The following CALD1 variants were observed in gnomAD, a reference collection of about 807,000 sequenced individuals.
The protein encoded by CALD1 is caldesmon 1.
CALD1 carries 33 observed loss-of-function variants against 99.9 expected under a neutral mutation model. The observed-to-expected ratio is 0.33, with a 90% CI of 0.25 to 0.44. The LOEUF (loss-of-function observed/expected upper bound fraction) is 0.44. CALD1 is among the 20% of genes least tolerant of loss of function. The pLI, the probability that CALD1 is intolerant of heterozygous loss-of-function variation, is 1.00. For missense variants in CALD1, 861 were observed against 962.1 expected (o/e 0.89, Z 1.39); for synonymous variants, 310 against 325.0 (o/e 0.95, Z 0.50).
At chr7:134,849,823 G>A (rs1002873154) in intron 2 of CALD1, among the ~76,000 whole-genome samples, 3 of 152,124 alleles carry the variant, frequency 2.0e-5, no homozygotes, top group Admixed American at 6.5e-5. Flanking sequence ...CATGGGGAGA[G>A]GTCCCTGCCT....
At chr7:134,965,094 C>A (rs1780778518) in intron 13 of CALD1, 1 of 427,878 alleles carries the variant, frequency 2.3e-6, no homozygotes. Context: ...CCAGCTTGGG[C>A]TACAGAGTGA....
At chr7:134,887,776 G>A (rs10242344) in intron 3 of CALD1, among the ~76,000 whole-genome samples, 2 of 150,012 alleles carry the variant, frequency 1.3e-5, no homozygotes, top group Non-Finnish European at 2.9e-5. Flanking sequence ...GCGTGTGTAT[G>A]TGTGTGCATG....
intron 1 of CALD1, among the ~76,000 whole-genome samples, chr7:134,831,654 A>G (rs1005216178): frequency 6.6e-6 from 1 of 152,194 alleles, no homozygotes; most frequent in Non-Finnish European, 1.5e-5. Flanking sequence ...AATAAAATGC[A>G]TATTTGTATA....
At chr7:134,828,650 A>G (rs1799101306) in intron 1 of CALD1, among the ~76,000 whole-genome samples, 1 of 152,174 alleles carries the variant, frequency 6.6e-6, no homozygotes. Flanking sequence ...GGGGGATGAT[A>G]TACTACCTAT....
At chr7:134,959,671 A>G (rs760176967) in intron 11 of CALD1, among the ~76,000 whole-genome samples, 34 of 152,058 alleles carry the variant, frequency 2.2e-4, no homozygotes, top group South Asian at 2.1e-4. Context: ...CCCTGTCTCA[A>G]AAAAAAACAA....
At chr7:134,966,765 G>T (rs1808710252) in intron 14 of CALD1, among the ~76,000 whole-genome samples, 1 of 151,820 alleles carries the variant, frequency 6.6e-6, no homozygotes, top group African/African-American at 2.4e-5. Context: ...GGTGGCAGGG[G>T]AGAAAAGAAC....
At chr7:134,903,997 C>T (rs10230964) in intron 3 of CALD1, among the ~76,000 whole-genome samples, 5,435 of 151,882 alleles carry the variant, frequency 0.036, 326 homozygotes, top group African/African-American at 0.12. Flanking sequence ...CTGAGGCAGG[C>T]GGATCACCTG....
rs1196799821 is a variant in CALD1, at chr7:134,890,650, GAC to G, written c.71+22848_71+22849del. Among the ~76,000 whole-genome samples, 16 of 152,308 alleles carry G rather than the reference GAC, an allele frequency of 1.1e-4. 1 individual carries two copies. In the East Asian group the frequency reaches 3.1e-3, roughly 29 times the overall value. On this transcript the variant is annotated intron_variant, in intron 3 of 14. Transcript: ENST00000361675. Reference sequence around the variant, plus strand: ...AAGCTGAGACGGAGTGTCATCTCCAGACAGAATCAACACCACCCCCTCCTCAG... The same window carrying G: ...AAGCTGAGACGGAGTGTCATCTCCAGAGAATCAACACCACCCCCTCCTCAG...
intron 6 of CALD1, among the ~76,000 whole-genome samples, 169 bp from the exon 7 acceptor site, chr7:134,940,923 A>G (rs1400332747): frequency 6.6e-6 from 1 of 152,240 alleles, no homozygotes; most frequent in Non-Finnish European, 1.5e-5. Flanking sequence ...CTAAAGGACC[A>G]TAGCTCATTC....
chr7:134,805,911 C>T (rs1375786472), intron 1 of CALD1, among the ~76,000 whole-genome samples: 1 of 152,158 alleles, frequency 6.6e-6, no homozygotes, highest in Non-Finnish European at 1.5e-5. Flanking sequence ...TAGACACGTG[C>T]CACCACACCC....
At chr7:134,960,321 A>G (rs1358309636) in intron 12 of CALD1, 5 of 669,102 alleles carry the variant, frequency 7.5e-6, no homozygotes, top group Non-Finnish European at 2.5e-6. Flanking sequence ...ACTCCAAATA[A>G]AGTGCCTGGG....
At chr7:134,766,486 A>G (rs904169837) in intron 1 of CALD1, among the ~76,000 whole-genome samples, 3 of 152,152 alleles carry the variant, frequency 2.0e-5, no homozygotes, top group African/African-American at 7.2e-5. Context: ...AGGTGTTTTT[A>G]GCAATGCTAG....
chr7:134,742,268 C>A (rs561467443), upstream of CALD1, among the ~76,000 whole-genome samples: 17 of 152,280 alleles, frequency 1.1e-4, no homozygotes, highest in African/African-American at 2.9e-4. Flanking sequence ...TGAAAAAACT[C>A]AAAGTGACAT....
intron 1 of CALD1, among the ~76,000 whole-genome samples, chr7:134,794,539 T>G (rs1332805047): frequency 2.0e-5 from 3 of 152,110 alleles, no homozygotes; most frequent in East Asian, 3.9e-4. Context: ...CGGGCTGGAG[T>G]GCAGTGGAGC....
At chr7:134,947,381 C>G in intron 7 of CALD1, 127 bp from the exon 8 acceptor site, 1 of 947,854 alleles carries the variant, frequency 1.1e-6, no homozygotes, top group Non-Finnish European at 1.5e-6. Flanking sequence ...CCAGCCTACC[C>G]CCTGGGCTAA....
At chr7:134,836,143 CAAAAAAA>C (rs377048601) in intron 1 of CALD1, among the ~76,000 whole-genome samples, 3 of 68,576 alleles carry the variant, frequency 4.4e-5, no homozygotes, top group East Asian at 4.0e-4. Context: ...GACTTCATCT[CAAAAAAA>C]AAAAAAAAAA....
intron 9 of CALD1, among the ~76,000 whole-genome samples, chr7:134,955,969 A>G (rs1354572307): frequency 1.3e-5 from 2 of 152,194 alleles, no homozygotes; most frequent in Non-Finnish European, 2.9e-5. Context: ...AGTGCATTGC[A>G]TAGTTCTAAA....
intron 1 of CALD1, among the ~76,000 whole-genome samples, chr7:134,791,569 T>C (rs1427151028): frequency 2.0e-5 from 3 of 152,184 alleles, no homozygotes; most frequent in African/African-American, 7.2e-5. Flanking sequence ...TTGAAACTAT[T>C]TCCTTAAAGA....
intron 2 of CALD1, among the ~76,000 whole-genome samples, chr7:134,849,159 T>G (rs1421442993): frequency 1.3e-5 from 2 of 152,220 alleles, no homozygotes; most frequent in African/African-American, 4.8e-5. Flanking sequence ...TATTTTAAAT[T>G]TCTCTGCCCT....
Sources: allele counts gnomAD v4.1 joint callset (sites outside exome capture counted in the v4.1 genomes callset), GRCh38; gene constraint gnomAD v4.1.1; transcripts MANE v1.5; gene names NCBI Gene and HGNC (gene_info 2026-07-23, HGNC 2026-07-21).